RTRAF: variants seen among roughly 807,000 people sequenced by gnomAD.
RTRAF encodes the protein tRNA-splicing ligase complex subunit RTRAF.
Under a neutral mutation model 34.4 loss-of-function variants are expected in RTRAF, and 14 were observed. The observed-to-expected ratio is 0.41, with a 90% CI of 0.27 to 0.64. The LOEUF (loss-of-function observed/expected upper bound fraction) is 0.64, where lower values mean the gene tolerates loss of function less well. Among genes scored for constraint, RTRAF ranks in the 30% least tolerant of loss-of-function variants. The probability of loss-of-function intolerance (pLI) is 0.34; values close to 1 mark genes in which losing one functional copy is unlikely to be tolerated. For missense variants in RTRAF, 291 were observed against 288.4 expected, an observed-to-expected ratio of 1.01 and a Z score of -0.06; for synonymous variants, 96 against 95.3, an observed-to-expected ratio of 1.01 and a Z score of -0.04.
In RTRAF at chr14:52,005,362, A is replaced by C; in HGVS notation, c.*846A>C. ...AGTCTTTTTGCACTACAAAATGTTC[A>C]TCTTGGATGCTCAGGAACGTCTAAT... On this transcript the variant is annotated 3_prime_UTR_variant, in exon 8 of 8. Coordinates refer to ENST00000261700, the MANE Select transcript of RTRAF (RefSeq NM_016039.3). The C allele has an allele frequency of 2.3e-6, 2 of 869,394 alleles. No individual in the cohort carries two copies. Among genetic ancestry groups the C allele is most frequent in the African/African-American group, 1.7e-5 (1 of 59,186 alleles). The allele number at this position is 869,394 out of a possible 1,614,324, so 53.9% of individuals were successfully genotyped here.
At chr14:52,003,560 G>A (rs181782541) in intron 6 of RTRAF, among the ~76,000 whole-genome samples, 1 of 152,274 alleles carries the variant, frequency 6.6e-6, no homozygotes, top group East Asian at 1.9e-4. Context: ...AGTACAGACT[G>A]TCCTCATTTT....
chr14:51,996,066 A>G lies in RTRAF; in HGVS notation c.286+2244A>G, dbSNP rs565151961. Among the ~76,000 whole-genome samples, 76 of 152,250 alleles carry G rather than the reference A, an allele frequency of 5.0e-4. 1 individual carries two copies. Among genetic ancestry groups the G allele is most frequent in the African/African-American group, 1.8e-3 (75 of 41,568 alleles). On this transcript the variant is annotated intron_variant, in intron 3 of 7. Transcript: ENST00000261700. ...CCCGTTAACCTTCAATGGTAGATGC[A>G]TATGGTCATGTATACCTGCAGTTGA...
rs76200085 is a variant in RTRAF, at chr14:51,999,784, G to A, written c.450G>A (p.Leu150=). ...LLQIQRHDDY[L]VMLKAIRILV... ...AGATTCAGCGTCATGATGATTACCT[G>A]GTAATGCTTAAGGTCAGCTTCATGT... The change falls in exon 5 of 8, where the codon CTG becomes CTA. Residue 150 remains leucine (L), a synonymous_variant. Coordinates refer to ENST00000261700, the MANE Select transcript of RTRAF (RefSeq NM_016039.3). 28,588 of 1,607,746 alleles carry A rather than the reference G, an allele frequency of 0.018. 296 individuals carry two copies. The highest frequency in any genetic ancestry group is 0.021 in the Non-Finnish European group (24,786 of 1,175,372).
chr14:51,996,577 G>A lies in RTRAF; in HGVS notation c.287-1917G>A, dbSNP rs112267468. ...TATACCTCAAGTCTACAAATGTAGC[G>A]TGTTACCTCATTTGCTTCATCCTTC... On this transcript the variant is annotated intron_variant, in intron 3 of 7. Coordinates refer to ENST00000261700, the MANE Select transcript of RTRAF (RefSeq NM_016039.3). Among the ~76,000 whole-genome samples, 476 of 151,946 alleles carry A rather than the reference G, an allele frequency of 3.1e-3. 3 individuals carry two copies. The highest frequency in any genetic ancestry group is 0.011 in the African/African-American group (451 of 41,482).
intron 1 of RTRAF, among the ~76,000 whole-genome samples, chr14:51,990,392 C>G (rs1210561281): frequency 6.6e-6 from 1 of 152,188 alleles, no homozygotes; most frequent in Non-Finnish European, 1.5e-5. Flanking sequence ...CACCACTACT[C>G]GTTTCCTTTG....
intron 3 of RTRAF, among the ~76,000 whole-genome samples, chr14:51,996,528 T>TACA (rs756482736): frequency 6.6e-6 from 1 of 152,078 alleles, no homozygotes; most frequent in Non-Finnish European, 1.5e-5. Flanking sequence ...ATAGAAAAAT[T>TACA]ACAAAATAGT....
rs556730696 is a variant in RTRAF, at chr14:52,005,253, TTC to T, written c.*739_*740del. 207 of 385,604 alleles carry T rather than the reference TTC, an allele frequency of 5.4e-4. 1 individual carries two copies. Among genetic ancestry groups the T allele is most frequent in the African/African-American group, 3.7e-3 (181 of 48,344 alleles). The allele number at this position is 385,604 out of a possible 1,614,324, so 23.9% of individuals were successfully genotyped here. A position where few individuals can be genotyped will look rare whatever the true frequency, so the allele number is the denominator to read the frequency against. ...TTGCTTTAATAAGCAACAGTTAAAA[TTC>T]TGTTACCTTTTTAAACTTGCAATAA... On this transcript the variant is annotated 3_prime_UTR_variant, in exon 8 of 8. Coordinates refer to ENST00000261700, the MANE Select transcript of RTRAF (RefSeq NM_016039.3).
In RTRAF at chr14:52,006,458, C is replaced by A; in HGVS notation, c.*1942C>A. On this transcript the variant is annotated 3_prime_UTR_variant, in exon 8 of 8. Coordinates refer to ENST00000261700, the MANE Select transcript of RTRAF (RefSeq NM_016039.3). ...AGGGCTTAATGAGTCAAGTCAGGTA[C>A]TGACTTTTGGTAAAACAAGTGGTGT... is the stretch of plus-strand genomic sequence containing the variant. 6.4e-7 allele frequency: 1 copy of A among 1,559,860 alleles called. No homozygotes were observed. The highest frequency in any genetic ancestry group is 8.7e-7 in the Non-Finnish European group (1 of 1,144,120).
rs747441845 is a variant in RTRAF, at chr14:52,007,596, A to G, written c.*3080A>G. On this transcript the variant is annotated 3_prime_UTR_variant, in exon 8 of 8. Coordinates refer to ENST00000261700, the MANE Select transcript of RTRAF (RefSeq NM_016039.3). ...CACTCATGGTCAGGCAAGCAGTACA[A>G]ACTTACTGCTTGATATATCCTTCCC... The G allele has an allele frequency of 2.3e-5, 13 of 553,352 alleles. No individual in the cohort carries two copies. Among genetic ancestry groups the G allele is most frequent in the Non-Finnish European group, 3.8e-5 (12 of 314,412 alleles). 34.3% of individuals were successfully genotyped at this position (553,352 alleles called of 1,614,324 possible). A position where few individuals can be genotyped will look rare whatever the true frequency, so the allele number is the denominator to read the frequency against.
At chr14:51,989,793 C>A (rs1469204067) in intron 1 of RTRAF, 93 bp downstream of exon 1, 3 of 1,348,982 alleles carry the variant, frequency 2.2e-6, no homozygotes, top group Non-Finnish European at 3.0e-6. Context: ...TCGGGACCCT[C>A]GGCGGCCTGG....
chr14:51,989,881 A>G (rs952169562), intron 1 of RTRAF, among the ~76,000 whole-genome samples, 181 bp downstream of exon 1: 2 of 152,094 alleles, frequency 1.3e-5, no homozygotes, highest in Non-Finnish European at 2.9e-5. Flanking sequence ...TCCCGCCTTT[A>G]AAGCCCTCTC....
chr14:52,002,139 CGTT>C (rs1890611035), intron 6 of RTRAF, among the ~76,000 whole-genome samples: 1 of 152,042 alleles, frequency 6.6e-6, no homozygotes, highest in Admixed American at 6.5e-5. Context: ...GCTTGTGGCC[CGTT>C]GAAGTTTATT....
At chr14:52,001,034 A>G (rs1890593960) in intron 5 of RTRAF, among the ~76,000 whole-genome samples, 1 of 152,254 alleles carries the variant, frequency 6.6e-6, no homozygotes, top group Non-Finnish European at 1.5e-5. Flanking sequence ...ACGTTTGCCA[A>G]GTACAAGCAT....
At position 52,010,123 on chromosome 14, in the gene RTRAF, T is replaced by TC. The variant is rs1245728143; in HGVS notation, c.*5609dup. 3 of 152,234 alleles carry TC rather than the reference T, an allele frequency of 2.0e-5. No homozygotes were observed. Among genetic ancestry groups the TC allele is most frequent in the Non-Finnish European group, 4.4e-5 (3 of 68,050 alleles). The allele number at this position is 152,234 out of a possible 1,614,324, so 9.4% of individuals were successfully genotyped here. A position where few individuals can be genotyped will look rare whatever the true frequency, so the allele number is the denominator to read the frequency against. On this transcript the variant is annotated 3_prime_UTR_variant, in exon 8 of 8. Coordinates refer to ENST00000261700, the MANE Select transcript of RTRAF (RefSeq NM_016039.3). ...GAATAGAGAAGGATACAGGTACTTTTCCTGTGTGTAGAACCCAAAGTTTGA... is the reference window on the plus strand; with the variant it reads ...GAATAGAGAAGGATACAGGTACTTTTCCCTGTGTGTAGAACCCAAAGTTTGA...
Position 51,989,594 on chromosome 14 carries a change from T to A in RTRAF, c.-46T>A, listed in dbSNP as rs781321694. The A allele has an allele frequency of 1.3e-6, 2 of 1,558,722 alleles. No homozygotes were observed. The highest frequency in any genetic ancestry group is 8.7e-7 in the Non-Finnish European group (1 of 1,151,764). The stretch of plus-strand genomic sequence containing the variant: ...GCGCCTCCCGCTCCACCTCGCTTCT[T>A]CTCTCCCGGCCGAGGCCCGGGGGAC... On this transcript the variant is annotated 5_prime_UTR_variant, in exon 1 of 8. Coordinates refer to ENST00000261700, the MANE Select transcript of RTRAF (RefSeq NM_016039.3).
chr14:51,995,892 C>CT (rs1890514182), intron 3 of RTRAF, among the ~76,000 whole-genome samples: 1 of 151,982 alleles, frequency 6.6e-6, no homozygotes, highest in Non-Finnish European at 1.5e-5. Context: ...ATTTTAGGGC[C>CT]TTTAACAAGG....
chr14:51,989,760 A>C, intron 1 of RTRAF, 60 bp downstream of exon 1: 1 of 1,511,796 alleles, frequency 6.6e-7, no homozygotes, highest in South Asian at 1.2e-5. Flanking sequence ...TCCCAGCCTC[A>C]GTGCCCGCAC....
In RTRAF at chr14:52,005,525, G is replaced by GCA; in HGVS notation, c.*1009_*1010insCA. On this transcript the variant is annotated 3_prime_UTR_variant, in exon 8 of 8. Coordinates refer to ENST00000261700, the MANE Select transcript of RTRAF (RefSeq NM_016039.3). ...TGAGAGAAGAGCAGGGGTGGGACAG[G>GCA]GTGGTGGGTGAGTATATTGTAACCA... 2 of 1,592,490 alleles carry GCA rather than the reference G, an allele frequency of 1.3e-6. No individual in the cohort carries two copies. Among genetic ancestry groups the GCA allele is most frequent in the Non-Finnish European group, 1.7e-6 (2 of 1,171,858 alleles).
chr14:51,992,966 G>T (rs1443586403), intron 2 of RTRAF, among the ~76,000 whole-genome samples: 1 of 152,166 alleles, frequency 6.6e-6, no homozygotes, highest in African/African-American at 2.4e-5. Context: ...GGAGGCGGAG[G>T]TTGCAGTGAG....
Sources: gnomAD v4.1 joint callset for allele counts (sites outside exome capture counted in the v4.1 genomes callset) on GRCh38, gnomAD v4.1.1 for gene constraint, MANE v1.5 for transcripts, NCBI Gene and HGNC (gene_info 2026-07-23, HGNC 2026-07-21) for gene names.